The following PARD3B variants were observed in gnomAD, a reference collection of about 807,000 sequenced individuals.
PARD3B encodes par-3 family cell polarity regulator beta, also known as partitioning defective 3 homolog B.
Under a neutral mutation model 130.2 loss-of-function variants are expected in PARD3B, and 103 were observed. The observed-to-expected ratio is 0.79, with a 90% CI of 0.67 to 0.93. The LOEUF (loss-of-function observed/expected upper bound fraction) is 0.93. Among genes scored for constraint, PARD3B ranks in the 40% least tolerant of loss-of-function variants. The probability of loss-of-function intolerance (pLI) is 0.00; values close to 1 mark genes in which losing one functional copy is unlikely to be tolerated. For synonymous variants in PARD3B, 583 were observed against 553.2 expected (o/e 1.05, Z -0.76); for missense variants, 1,609 against 1,499.2 (o/e 1.07, Z -1.21).
intron 1 of PARD3B, among the ~76,000 whole-genome samples, chr2:204,648,481 C>T (rs1250231536): frequency 6.9e-6 from 1 of 145,854 alleles, no homozygotes; most frequent in African/African-American, 2.5e-5. Flanking sequence ...TTTTGTTTCT[C>T]TTGGGTAAAT....
At chr2:205,609,777 A>C (rs1447766034) in intron 22 of PARD3B, among the ~76,000 whole-genome samples, 1 of 152,184 alleles carries the variant, frequency 6.6e-6, no homozygotes, top group African/African-American at 2.4e-5. Context: ...CTTTCAAAAC[A>C]AACTATCTTC....
At position 205,057,517 on chromosome 2, in the gene PARD3B, GCATGTGTATATATACATA is replaced by G. The variant is rs1699755854; in HGVS notation, c.504+9828_504+9845del. Among the ~76,000 whole-genome samples the G allele has an allele frequency of 5.7e-5, 8 of 140,220 alleles. 1 individual carries two copies. Among genetic ancestry groups the G allele is most frequent in the Admixed American group, 1.4e-4 (2 of 13,816 alleles). 92.0% of individuals were successfully genotyped at this position (140,220 alleles called of 152,430 possible). A position where few individuals can be genotyped will look rare whatever the true frequency, so the allele number is the denominator to read the frequency against. On this transcript the variant is annotated intron_variant, in intron 4 of 22. Coordinates refer to ENST00000406610, the MANE Select transcript of PARD3B (RefSeq NM_001302769.2). ...TGTATATATACATATATGTGTATGT[GCATGTGTATATATACATA>G]TATGTATATGTGTATATGTATATAT...
chr2:204,901,115 A>T (rs1252975030), intron 2 of PARD3B, among the ~76,000 whole-genome samples: 1 of 152,024 alleles, frequency 6.6e-6, no homozygotes, highest in African/African-American at 2.4e-5. Flanking sequence ...GCTAGTGCCT[A>T]TGTTTGCTCA....
intron 2 of PARD3B, among the ~76,000 whole-genome samples, chr2:204,701,610 T>A (rs375817422): frequency 6.6e-6 from 1 of 152,232 alleles, no homozygotes; most frequent in Non-Finnish European, 1.5e-5. Context: ...TGTTTTCTTC[T>A]GGATTTAACT....
chr2:205,313,158 G>T (rs1237964925), intron 18 of PARD3B, among the ~76,000 whole-genome samples: 5 of 152,136 alleles, frequency 3.3e-5, no homozygotes, highest in Non-Finnish European at 1.5e-5. Flanking sequence ...GTTAAGTATA[G>T]ATTAAATTTA....
Position 205,115,583 on chromosome 2 carries a change from TCC to T in PARD3B, c.680+2007_680+2008del, listed in dbSNP as rs1474056005. On this transcript the variant is annotated intron_variant, in intron 6 of 22. Transcript: ENST00000406610. Reference sequence around the variant, plus strand: ...TAGTTCTATTATTTATTTTTTGCTATCCACCAGTATTATAGGAAGGAAATTTA... The same window carrying T: ...TAGTTCTATTATTTATTTTTTGCTATACCAGTATTATAGGAAGGAAATTTA... Among the ~76,000 whole-genome samples the T allele has an allele frequency of 2.0e-5, 3 of 152,284 alleles. No homozygotes were observed. The East Asian group carries it at 5.8e-4, about 29-fold the overall frequency.
chr2:204,561,082 T>C (rs2125055464), intron 1 of PARD3B, among the ~76,000 whole-genome samples: 1 of 151,958 alleles, frequency 6.6e-6, no homozygotes, highest in Middle Eastern at 3.4e-3. Context: ...CAGAACCTGA[T>C]AGATAGGGAT....
intron 20 of PARD3B, among the ~76,000 whole-genome samples, chr2:205,452,282 T>C (rs1020178581): frequency 1.3e-5 from 2 of 152,228 alleles, no homozygotes; most frequent in African/African-American, 4.8e-5. Flanking sequence ...TCTCTTTCTC[T>C]CTAGTGAGTT....
intron 15 of PARD3B, among the ~76,000 whole-genome samples, chr2:205,223,068 C>T (rs987279372): frequency 1.3e-5 from 2 of 152,000 alleles, no homozygotes; most frequent in African/African-American, 4.8e-5. Context: ...AGAGAATATT[C>T]TAGGAAGTAC....
chr2:204,562,447 G>A (rs1047798118), intron 1 of PARD3B, among the ~76,000 whole-genome samples: 27 of 152,188 alleles, frequency 1.8e-4, no homozygotes, highest in Admixed American at 3.9e-4. Context: ...ATAATGCCAC[G>A]TACCTTATAT....
chr2:204,660,068 G>T (rs1179982307), intron 1 of PARD3B, among the ~76,000 whole-genome samples: 1 of 152,114 alleles, frequency 6.6e-6, no homozygotes, highest in African/African-American at 2.4e-5. Context: ...GACGAACAGA[G>T]GTGTGAAGTG....
In PARD3B at chr2:205,103,540, G is replaced by C. The variant is rs1702978181; in HGVS notation, c.505-886G>C. 10 of 175,104 alleles carry C rather than the reference G, an allele frequency of 5.7e-5. No individual in the cohort carries two copies. In the Admixed American group the frequency reaches 6.5e-4, roughly 11 times the overall value. The allele number at this position is 175,104 out of a possible 1,614,324, so 10.8% of individuals were successfully genotyped here. On this transcript the variant is annotated intron_variant, in intron 4 of 22. Transcript: ENST00000406610. ...GAATAATGCATTCAGATGCATAAAT[G>C]CTGTTTATAAGTGTGGGTTTTTGAT...
intron 15 of PARD3B, among the ~76,000 whole-genome samples, chr2:205,200,871 T>G (rs1285999479): frequency 6.6e-6 from 1 of 152,144 alleles, no homozygotes; most frequent in Non-Finnish European, 1.5e-5. Flanking sequence ...AAAGATTAAT[T>G]GTATAAGTGT....
chr2:205,125,148 C>T lies in PARD3B; in HGVS notation c.1306-461C>T, dbSNP rs561888278. Among the ~76,000 whole-genome samples, 1 of 152,222 alleles carries T rather than the reference C, an allele frequency of 6.6e-6. No individual in the cohort carries two copies. The highest frequency in any genetic ancestry group is 2.4e-5 in the African/African-American group (1 of 41,536). On this transcript the variant is annotated intron_variant, in intron 9 of 22. Transcript: ENST00000406610. This position sits in a 1 kb window ranked among gnomAD's most constrained non-coding sequence, Gnocchi z 4.0. ...TACTGTAGCTCCAAATTAGAATTTCCCTTAATCTATGATAATCTGGTGACT... is the reference window on the plus strand; with the variant it reads ...TACTGTAGCTCCAAATTAGAATTTCTCTTAATCTATGATAATCTGGTGACT...
At chr2:205,085,136 G>A (rs771409762) in intron 4 of PARD3B, among the ~76,000 whole-genome samples, 3 of 152,044 alleles carry the variant, frequency 2.0e-5, no homozygotes, top group East Asian at 1.9e-4. Context: ...TGTTAGGTGC[G>A]TAGGTTGGAA....
chr2:205,318,722 T>TG (rs2042644637), intron 18 of PARD3B, among the ~76,000 whole-genome samples: 1 of 152,086 alleles, frequency 6.6e-6, no homozygotes, highest in Non-Finnish European at 1.5e-5. Context: ...AATGCAGACA[T>TG]GGGGACATGG....
chr2:205,330,509 A>C (rs2541155), intron 18 of PARD3B, among the ~76,000 whole-genome samples: 40,565 of 152,144 alleles, frequency 0.27, 7,558 homozygotes, highest in African/African-American at 0.53. Context: ...TGAGGCAACT[A>C]TAGACCTGAC....
intron 2 of PARD3B, among the ~76,000 whole-genome samples, chr2:204,894,144 G>A (rs12990232): frequency 0.2 from 30,182 of 151,816 alleles, 3,531 homozygotes; most frequent in Non-Finnish European, 0.26. Context: ...CATTTGTAAA[G>A]TTTTGGGTGA....
chr2:204,590,712 T>G (rs2033037817), intron 1 of PARD3B, among the ~76,000 whole-genome samples: 1 of 152,230 alleles, frequency 6.6e-6, no homozygotes, highest in Non-Finnish European at 1.5e-5. Flanking sequence ...CAGAACTTAC[T>G]TTAGAAGGAC....
Sources: allele counts gnomAD v4.1 joint callset (sites outside exome capture counted in the v4.1 genomes callset), GRCh38; gene constraint gnomAD v4.1.1; non-coding constraint Gnocchi (gnomAD v3.1); transcripts MANE v1.5; gene names NCBI Gene and HGNC (gene_info 2026-07-23, HGNC 2026-07-21).